The following FKBP1B variants were observed in gnomAD, a reference collection of about 807,000 sequenced individuals.
The protein encoded by FKBP1B is peptidyl-prolyl cis-trans isomerase FKBP1B.
Under a neutral mutation model 13.5 loss-of-function variants are expected in FKBP1B, and 4 were observed. The ratio of observed to expected loss-of-function variants is 0.30; its 90% CI spans 0.15 to 0.68. The LOEUF (loss-of-function observed/expected upper bound fraction) is 0.68, where lower values mean the gene tolerates loss of function less well. Ranked by LOEUF, FKBP1B falls within the 30% of genes least tolerant of loss-of-function variation. The pLI is 0.76. For missense variants in FKBP1B, 93 were observed against 136.2 expected (o/e 0.68, Z 1.58); for synonymous variants, 54 against 53.6 (o/e 1.01, Z -0.03).
chr2:24,060,286 C>T (rs1188648106), intron 2 of FKBP1B, among the ~76,000 whole-genome samples: 1 of 152,140 alleles, frequency 6.6e-6, no homozygotes, highest in African/African-American at 2.4e-5. Flanking sequence ...CACAGTGGCT[C>T]ATGCTTGTAA....
intron 2 of FKBP1B, among the ~76,000 whole-genome samples, chr2:24,058,880 T>C (rs560319961): frequency 5.8e-4 from 88 of 152,224 alleles, no homozygotes; most frequent in Non-Finnish European, 1.1e-3. Context: ...CAGAAGGGTT[T>C]TCTTCTTTGC....
chr2:24,061,890 G>A (rs1038474931), intron 3 of FKBP1B, among the ~76,000 whole-genome samples: 1 of 151,028 alleles, frequency 6.6e-6, no homozygotes, highest in African/African-American at 2.4e-5. Context: ...TTTTTTTTTA[G>A]AAAGAGTATC....
Position 24,053,411 on chromosome 2 carries a change from G to A in FKBP1B, c.38-491G>A, listed in dbSNP as rs531682237. Among the ~76,000 whole-genome samples, 8 of 150,388 alleles carry A rather than the reference G, an allele frequency of 5.3e-5. No homozygotes were observed. In the East Asian group the frequency reaches 1.2e-3, roughly 22 times the overall value. ...CCCAAAGTGCTGAGATTACAGATGT[G>A]AGCCACCATGCCTGGCCTCTCAGCA... On this transcript the variant is annotated intron_variant, in intron 1 of 3. Transcript: ENST00000380986.
chr2:24,046,571 C>T (rs1663632808), upstream of FKBP1B, among the ~76,000 whole-genome samples: 1 of 152,196 alleles, frequency 6.6e-6, no homozygotes, highest in South Asian at 2.1e-4. Flanking sequence ...AAAGACAACT[C>T]ATGACGAGAA....
chr2:24,039,945 C>T, the FKBP1B span, among the ~76,000 whole-genome samples: 14 of 151,994 alleles, frequency 9.2e-5, no homozygotes, highest in Admixed American at 8.5e-4. Flanking sequence ...TTACAGGTGC[C>T]TGCCACCAGG....
chr2:24,045,631 G>GAGAGGA (rs1553318652), upstream of FKBP1B, among the ~76,000 whole-genome samples: 125 of 106,098 alleles, frequency 1.2e-3, no homozygotes, highest in African/African-American at 5.7e-3. Flanking sequence ...GAGAGAGAGA[G>GAGAGGA]AGGAAGGAAG....
upstream of FKBP1B, among the ~76,000 whole-genome samples, chr2:24,047,087 A>G (rs144767799): frequency 1.3e-3 from 192 of 152,140 alleles, 1 homozygote; most frequent in African/African-American, 4.5e-3. Flanking sequence ...TATTCCCAGG[A>G]GTGTTATTCA....
upstream of FKBP1B, among the ~76,000 whole-genome samples, chr2:24,045,631 G>GAGAGAGGA (rs1553318652): frequency 1.0e-4 from 11 of 106,150 alleles, no homozygotes; most frequent in African/African-American, 4.8e-4. Context: ...GAGAGAGAGA[G>GAGAGAGGA]AGGAAGGAAG....
chr2:24,060,040 T>C (rs572051391), intron 2 of FKBP1B, among the ~76,000 whole-genome samples: 2 of 151,882 alleles, frequency 1.3e-5, no homozygotes, highest in African/African-American at 4.8e-5. Context: ...AGTGCCTGTA[T>C]GCAAGGTAGG....
chr2:24,049,595 A>T, upstream of FKBP1B: 1 of 355,296 alleles, frequency 2.8e-6, no homozygotes, highest in East Asian at 4.1e-5. Context: ...AGGCGGGGCC[A>T]GGCTCGCTAA....
chr2:24,063,469 G>GTT lies in FKBP1B; in HGVS notation c.*277_*278insTT. 2.8e-6 allele frequency: 1 copy of GTT among 362,586 alleles called. No homozygotes were observed. 22.5% of individuals were successfully genotyped at this position (362,586 alleles called of 1,614,324 possible). A position where few individuals can be genotyped will look rare whatever the true frequency, so the allele number is the denominator to read the frequency against. Reference sequence around the variant, plus strand: ...TAGCCTTTCCTGATGACAGAACACAGATCTCTTGTTCGCACAATCTACACT... The same window carrying GTT: ...TAGCCTTTCCTGATGACAGAACACAGTTATCTCTTGTTCGCACAATCTACACT... On this transcript the variant is annotated 3_prime_UTR_variant, in exon 4 of 4. Transcript: ENST00000380986.
chr2:24,059,371 C>CT (rs1458278995), intron 2 of FKBP1B, among the ~76,000 whole-genome samples: 9 of 100,000 alleles, frequency 9.0e-5, no homozygotes, highest in Admixed American at 4.2e-4. Flanking sequence ...GGACCAGCAC[C>CT]TGGGGGGGGG....
chr2:24,058,428 T>G (rs1232677407), intron 2 of FKBP1B, among the ~76,000 whole-genome samples: 2 of 152,218 alleles, frequency 1.3e-5, no homozygotes, highest in Admixed American at 6.5e-5. Flanking sequence ...TTTGCTGCAT[T>G]GCAGTGGTAT....
At chr2:24,049,951 G>A in intron 1 of FKBP1B, 65 bp downstream of exon 1, 1 of 1,303,540 alleles carries the variant, frequency 7.7e-7, no homozygotes, top group Non-Finnish European at 9.9e-7. Context: ...GAGGGCGGGG[G>A]TCTGATTCGG....
chr2:24,049,835 G>T lies in FKBP1B; in HGVS notation c.-15G>T. On this transcript the variant is annotated 5_prime_UTR_variant, in exon 1 of 4. Transcript: ENST00000380986. ...GCAGCAGGGACCCCCCAGAGGCGGG[G>T]CCTGTGGGACCGCTATGGGCGTGGA... 1 of 1,402,368 alleles carries T rather than the reference G, an allele frequency of 7.1e-7. No individual in the cohort carries two copies. The allele number at this position is 1,402,368 out of a possible 1,614,324, so 86.9% of individuals were successfully genotyped here.
chr2:24,046,630 A>G (rs1383557329), upstream of FKBP1B, among the ~76,000 whole-genome samples: 3 of 152,228 alleles, frequency 2.0e-5, no homozygotes, highest in Non-Finnish European at 4.4e-5. Context: ...AAACAAAAGT[A>G]CATCCCTCCC....
At chr2:24,045,397 T>C (rs1318523198), upstream of FKBP1B, among the ~76,000 whole-genome samples, 1 of 151,138 alleles carries the variant, frequency 6.6e-6, no homozygotes, top group Non-Finnish European at 1.5e-5. Context: ...AGGTCAGGAG[T>C]TCGACACCAC....
At chr2:24,052,169 C>A (rs1013556840) in intron 1 of FKBP1B, among the ~76,000 whole-genome samples, 2 of 152,214 alleles carry the variant, frequency 1.3e-5, no homozygotes, top group African/African-American at 4.8e-5. Context: ...TTCTCTGCTG[C>A]CACCACCTTA....
At chr2:24,060,579 G>C (rs1244710723) in intron 2 of FKBP1B, among the ~76,000 whole-genome samples, 1 of 152,014 alleles carries the variant, frequency 6.6e-6, no homozygotes, top group Admixed American at 6.6e-5. Flanking sequence ...AATAAAAATA[G>C]AAATGAAGAA....
Sources: allele counts gnomAD v4.1 joint callset (sites outside exome capture counted in the v4.1 genomes callset), GRCh38; gene constraint gnomAD v4.1.1; transcripts MANE v1.5; gene names NCBI Gene and HGNC (gene_info 2026-07-23, HGNC 2026-07-21).